PITPNA: variants seen among roughly 807,000 people sequenced by gnomAD.
The protein encoded by PITPNA is phosphatidylinositol transfer protein alpha.
A neutral mutation model predicts 50.3 loss-of-function variants in PITPNA; 13 were observed. That is an observed-to-expected ratio of 0.26 (90% CI 0.17 to 0.41). PITPNA has a LOEUF of 0.41. Among genes scored for constraint, PITPNA ranks in the 10% least tolerant of loss-of-function variants. The pLI is 1.00. For missense variants in PITPNA, 207 were observed against 333.4 expected, an observed-to-expected ratio of 0.62 and a Z score of 2.95; for synonymous variants, 120 against 119.6, an observed-to-expected ratio of 1.00 and a Z score of -0.02.
intron 10 of PITPNA, among the ~76,000 whole-genome samples, chr17:1,523,753 C>T (rs2075529007): frequency 6.6e-6 from 1 of 152,158 alleles, no homozygotes; most frequent in South Asian, 2.1e-4. Flanking sequence ...TCACGATCTG[C>T]CTGCCTCAGC....
rs2075773496 is a variant in PITPNA, at chr17:1,562,462, G to A, written c.20+79C>T. ...GCCCCTCCGTCCATCCGGGCCCTGC[G>A]TCCCTCGCCGCGCCGTCGCCCCGGC... On this transcript the variant is annotated intron_variant, in intron 1 of 11. Transcript: ENST00000313486. The surrounding 1 kb of genome is among the most constrained non-coding windows in gnomAD (Gnocchi z 6.4). 2 of 1,213,802 alleles carry A rather than the reference G, an allele frequency of 1.6e-6. No homozygotes were observed. Among genetic ancestry groups the A allele is most frequent in the South Asian group, 1.6e-5 (1 of 61,958 alleles). The allele number at this position is 1,213,802 out of a possible 1,614,324, so 75.2% of individuals were successfully genotyped here. A position where few individuals can be genotyped will look rare whatever the true frequency, so the allele number is the denominator to read the frequency against.
intron 11 of PITPNA, among the ~76,000 whole-genome samples, chr17:1,521,266 T>G (rs1437700889): frequency 6.6e-6 from 1 of 152,112 alleles, no homozygotes; most frequent in African/African-American, 2.4e-5. Flanking sequence ...GTGCCCAACA[T>G]GACAGCTGCA....
At chr17:1,524,613 ATGAAGATT>A (rs1598402670) in intron 10 of PITPNA, among the ~76,000 whole-genome samples, 1 of 152,218 alleles carries the variant, frequency 6.6e-6, no homozygotes, top group African/African-American at 2.4e-5. Flanking sequence ...TAGGATTGTG[ATGAAGATT>A]TAAGATGTGC....
rs779825971 is a variant in PITPNA, at chr17:1,535,179, T to C, written c.645+3A>G. On this transcript the variant is annotated splice_donor_region_variant and intron_variant, in intron 9 of 11. Coordinates refer to ENST00000313486, the MANE Select transcript of PITPNA (RefSeq NM_006224.4). The stretch of plus-strand genomic sequence containing the variant: ...CTGGGAAGGCCTCAGCCGAGCTACT[T>C]ACCTTATGGATGAAGTTCTCCACTT... 5 of 1,592,190 alleles carry C rather than the reference T, an allele frequency of 3.1e-6. No individual in the cohort carries two copies. Among genetic ancestry groups the C allele is most frequent in the Admixed American group, 1.7e-5 (1 of 59,882 alleles).
rs1022263391 is a variant in PITPNA at position 1,536,564 on chromosome 17, C to T, written c.457-1046G>A. ...TTGGCCTCCCACAGTGCTGGGATTA[C>T]AGGCGTGAGCCACCGCGCCCTGCCT... On this transcript the variant is annotated intron_variant, in intron 7 of 11. Transcript: ENST00000313486. 6.6e-5 allele frequency among the ~76,000 whole-genome samples: 10 copies of T among 151,748 alleles called. No homozygotes were observed. In the East Asian group the frequency reaches 1.9e-3, roughly 29 times the overall value.
chr17:1,546,981 A>T (rs2075678022), intron 4 of PITPNA, among the ~76,000 whole-genome samples: 1 of 152,206 alleles, frequency 6.6e-6, no homozygotes. Context: ...AATACTATGC[A>T]GCTATTATAA....
intron 6 of PITPNA, 119 bp downstream of exon 6, chr17:1,541,447 C>CT: frequency 1.3e-6 from 1 of 743,788 alleles, no homozygotes; most frequent in Non-Finnish European, 2.4e-6. Flanking sequence ...AGGCAGAGGC[C>CT]ACTGCCTTCC....
intron 9 of PITPNA, among the ~76,000 whole-genome samples, chr17:1,534,819 G>A (rs2075604826): frequency 1.3e-5 from 2 of 152,160 alleles, no homozygotes; most frequent in South Asian, 4.1e-4. Flanking sequence ...TGTCACATGT[G>A]GTGTCCCTGG....
At chr17:1,554,319 G>C (rs1567587055) in intron 2 of PITPNA, among the ~76,000 whole-genome samples, 2 of 151,976 alleles carry the variant, frequency 1.3e-5, no homozygotes, top group South Asian at 4.2e-4. Context: ...GGGTGGAGGG[G>C]GACAAAGGGT....
Position 1,554,971 on chromosome 17 carries a change from C to T in PITPNA, c.52-1822G>A, listed in dbSNP as rs142560293. Among the ~76,000 whole-genome samples the T allele has an allele frequency of 1.8e-3, 281 of 152,300 alleles. 1 individual carries two copies. The highest frequency in any genetic ancestry group is 6.6e-3 in the African/African-American group (274 of 41,564). On this transcript the variant is annotated intron_variant, in intron 2 of 11. Transcript: ENST00000313486. ...CCCTGTGCCTCTCCAAGTCCACCAC[C>T]CAGCTAGGCACACATGAAAACCCGT...
chr17:1,552,834 T>G (rs77777291), intron 3 of PITPNA, among the ~76,000 whole-genome samples, 170 bp downstream of exon 3: 11,512 of 152,266 alleles, frequency 0.076, 576 homozygotes, highest in Non-Finnish European at 0.11. Context: ...GAATAGTATA[T>G]TCCCATCTAT....
At chr17:1,531,258 A>G (rs1415533837) in intron 10 of PITPNA, among the ~76,000 whole-genome samples, 1 of 152,184 alleles carries the variant, frequency 6.6e-6, no homozygotes, top group Non-Finnish European at 1.5e-5. Context: ...AGCAAGAGAC[A>G]GGGGAGTCCT....
At chr17:1,559,686 C>A in intron 1 of PITPNA, 1 of 773,896 alleles carries the variant, frequency 1.3e-6, no homozygotes, top group Non-Finnish European at 1.6e-6. Context: ...TAGTAAACAG[C>A]TATTTTCTAG....
intron 10 of PITPNA, among the ~76,000 whole-genome samples, chr17:1,526,776 G>GT (rs888217879): frequency 6.6e-6 from 1 of 151,982 alleles, no homozygotes; most frequent in Non-Finnish European, 1.5e-5. Context: ...TTTTTTGTTT[G>GT]TTTTTTGAGA....
At chr17:1,558,227 T>A (rs2151014890) in intron 2 of PITPNA, among the ~76,000 whole-genome samples, 1 of 81,488 alleles carries the variant, frequency 1.2e-5, no homozygotes, top group African/African-American at 5.2e-5. Context: ...CAAGACTCCG[T>A]CTCAAAAAAA....
At chr17:1,531,523 C>T (rs1307763795) in intron 10 of PITPNA, among the ~76,000 whole-genome samples, 1 of 151,820 alleles carries the variant, frequency 6.6e-6, no homozygotes, top group East Asian at 1.9e-4. Flanking sequence ...GAGTGAGAGC[C>T]TGTCTCAGAA....
chr17:1,532,448 C>G (rs1207068048), intron 10 of PITPNA, among the ~76,000 whole-genome samples: 1 of 152,176 alleles, frequency 6.6e-6, no homozygotes, highest in Non-Finnish European at 1.5e-5. Context: ...TGAGGGCTCT[C>G]AAAGTTTGGA....
intron 3 of PITPNA, among the ~76,000 whole-genome samples, chr17:1,550,147 G>T (rs1024084934): frequency 1.3e-5 from 2 of 152,202 alleles, no homozygotes; most frequent in African/African-American, 4.8e-5. Flanking sequence ...ATTCAGGCGA[G>T]TATTTCTAGG....
intron 11 of PITPNA, 122 bp downstream of exon 11, chr17:1,521,456 CA>C (rs2075512084): frequency 1.4e-6 from 1 of 709,224 alleles, no homozygotes; most frequent in African/African-American, 1.7e-5. Flanking sequence ...TCGAGCGTGG[CA>C]ACCATCATTA....
Sources: allele counts gnomAD v4.1 joint callset (sites outside exome capture counted in the v4.1 genomes callset), GRCh38; gene constraint gnomAD v4.1.1; non-coding constraint Gnocchi (gnomAD v3.1); transcripts MANE v1.5; gene names NCBI Gene and HGNC (gene_info 2026-07-23, HGNC 2026-07-21).